IFI44L: variants seen among roughly 807,000 people sequenced by gnomAD.
IFI44L encodes interferon-induced protein 44-like.
IFI44L carries 40 observed loss-of-function variants against 39.3 expected under a neutral mutation model. The observed-to-expected ratio is 1.02, with a 90% CI of 0.79 to 1.33. IFI44L has a LOEUF of 1.33. Among genes scored for constraint, IFI44L ranks in the 40% most tolerant of loss-of-function variants. The pLI is 0.00. For synonymous variants in IFI44L, 198 were observed against 182.3 expected (o/e 1.09, Z -0.69); for missense variants, 623 against 549.0 (o/e 1.13, Z -1.35).
In IFI44L at chr1:78,629,710, A is replaced by G. The variant is rs761700063; in HGVS notation, c.528-10A>G. 28 of 1,601,992 alleles carry G rather than the reference A, an allele frequency of 1.7e-5. No homozygotes were observed. Among genetic ancestry groups the G allele is most frequent in the Non-Finnish European group, 2.2e-5 (26 of 1,173,376 alleles). ...TTCTGATGCTGTATTTAACCACTAT[A>G]TTTTAACAGGCACAGAAATAGGCTT... On this transcript the variant is annotated splice_polypyrimidine_tract_variant and intron_variant, in intron 3 of 8. Transcript: ENST00000370751.
rs185745103 is a variant in IFI44L, at chr1:78,629,997, A to G, written c.723+82A>G. 3.7e-3 allele frequency: 4,538 copies of G among 1,223,104 alleles called. 19 individuals carry two copies. Among genetic ancestry groups the G allele is most frequent in the Non-Finnish European group, 4.0e-3 (3,355 of 841,480 alleles). The allele number at this position is 1,223,104 out of a possible 1,614,324, so 75.8% of individuals were successfully genotyped here. ...GTCTTTGCCTTTTTCTCTTAGGGCA[A>G]TCCTAATATACAATTAAATGCTAAA... On this transcript the variant is annotated intron_variant, in intron 4 of 8. Transcript: ENST00000370751.
rs1367397714 is a variant in IFI44L at position 78,643,160 on chromosome 1, T to TTTTTTTTTTTTTTTTTTTTTTTTTTG, written c.*1351_*1352insTTTTTTTTTTTTTTTTTTTTTTTTTG. On this transcript the variant is annotated 3_prime_UTR_variant, in exon 9 of 9. Coordinates refer to ENST00000370751, the MANE Select transcript of IFI44L (RefSeq NM_006820.4). ...AGATATTAAGAAAGCAAGAGTTTCT[T>TTTTTTTTTTTTTTTTTTTTTTTTTTG]ATGTCCAGTTATGGAATATTTCCTA... 1 of 151,870 alleles carries TTTTTTTTTTTTTTTTTTTTTTTTTTG rather than the reference T, an allele frequency of 6.6e-6. No homozygotes were observed. Among genetic ancestry groups the TTTTTTTTTTTTTTTTTTTTTTTTTTG allele is most frequent in the Non-Finnish European group, 1.5e-5 (1 of 67,976 alleles). The allele number at this position is 151,870 out of a possible 1,614,324, so 9.4% of individuals were successfully genotyped here.
rs1235756123 is a variant in IFI44L at position 78,641,542 on chromosome 1, C to G, written c.1257C>G (p.Leu419=). The G allele has an allele frequency of 3.1e-6, 5 of 1,613,642 alleles. No homozygotes were observed. Among genetic ancestry groups the G allele is most frequent in the Non-Finnish European group, 4.2e-6 (5 of 1,179,742 alleles). Residue 419 remains leucine (L), a synonymous_variant, in exon 8 of 9, where the codon CTC becomes CTG. Coordinates refer to ENST00000370751, the MANE Select transcript of IFI44L (RefSeq NM_006820.4). ...ACCCCATGAAGGATATTCTCATCCT[C>G]TCTGCACTGAGGCAGATGCTGCGGG... ...ELDPMKDILI[L]SALRQMLRAA...
intron 4 of IFI44L, 135 bp downstream of exon 4, chr1:78,630,050 G>A: frequency 1.2e-6 from 1 of 829,806 alleles, no homozygotes; most frequent in Non-Finnish European, 2.0e-6. Context: ...GTAAAATTTT[G>A]ATCAGAACCA....
intron 1 of IFI44L, chr1:78,626,368 T>C (rs1475478678): frequency 6.6e-6 from 1 of 152,064 alleles, no homozygotes; most frequent in Non-Finnish European, 1.5e-5. Flanking sequence ...AACTCCAGTA[T>C]AAGTATGTGT....
In IFI44L at chr1:78,637,077, A is replaced by G; in HGVS notation, c.922A>G (p.Thr308Ala). 4 of 1,611,630 alleles carry G rather than the reference A, an allele frequency of 2.5e-6. No homozygotes were observed. Among genetic ancestry groups the G allele is most frequent in the Non-Finnish European group, 3.4e-6 (4 of 1,178,108 alleles). Residue 308 changes from threonine (T) to alanine (A), a missense_variant, in exon 6 of 9, where the codon ACC becomes GCC. By Grantham distance (58) the Thr-to-Ala change is moderately conservative (BLOSUM62 0). Transcript: ENST00000370751. The part of the protein sequence containing the change: ...PITPEHSTFI[T>A]SPSLKDRIHC... ...TACACCTGAGCATTCTACTTTTATC[A>G]CCTCTCCATCTCTGAAGGACAGGAT...
At chr1:78,635,967 CTTT>C (rs772798804) in intron 5 of IFI44L, 30 of 122,988 alleles carry the variant, frequency 2.4e-4, no homozygotes, top group South Asian at 7.7e-4. Flanking sequence ...CTCTCTCGGT[CTTT>C]TTTTTTTTTT....
At chr1:78,634,461 C>T (rs1470770150) in intron 4 of IFI44L, among the ~76,000 whole-genome samples, 5 of 152,130 alleles carry the variant, frequency 3.3e-5, no homozygotes, top group Non-Finnish European at 5.9e-5. Flanking sequence ...CAAACCCATC[C>T]AATTGAGAAT....
In IFI44L at chr1:78,641,468, A is replaced by C; in HGVS notation, c.1183A>C (p.Ile395Leu). 1 of 1,613,606 alleles carries C rather than the reference A, an allele frequency of 6.2e-7. No individual in the cohort carries two copies. Among genetic ancestry groups the C allele is most frequent in the Non-Finnish European group, 8.5e-7 (1 of 1,179,658 alleles). ...MNVHKMLGIP[I>L]SNILMVGNYA... ...TGTCCATAAAATGCTAGGCATTCCT[A>C]TTTCCAATATTTTGATGGTTGGAAA... is the stretch of plus-strand genomic sequence containing the variant. Residue 395 changes from isoleucine to leucine, a missense_variant, in exon 8 of 9, where the codon ATT becomes CTT. By Grantham distance (5) the Ile-to-Leu change is conservative. Coordinates refer to ENST00000370751, the MANE Select transcript of IFI44L (RefSeq NM_006820.4).
At chr1:78,631,777 A>G (rs1652758253) in intron 4 of IFI44L, 1 of 152,094 alleles carries the variant, frequency 6.6e-6, no homozygotes, top group African/African-American at 2.4e-5. Context: ...AACTATTTTT[A>G]GAATTATTCT....
At position 78,628,001 on chromosome 1, in the gene IFI44L, A is replaced by G; in HGVS notation, c.86A>G (p.Lys29Arg). 1.2e-6 allele frequency: 2 copies of G among 1,613,038 alleles called. No individual in the cohort carries two copies. Among genetic ancestry groups the G allele is most frequent in the Non-Finnish European group, 1.7e-6 (2 of 1,179,466 alleles). Residue 29 changes from lysine to arginine, a missense_variant, in exon 2 of 9, where the codon AAG becomes AGG. Physicochemically the swap from Lys to Arg is conservative, Grantham distance 26 (BLOSUM62 2). Transcript: ENST00000370751. ...AATGTTTCTTTGAGTCTTCTCTATA[A>G]GTCTAGTGTTCATGGAGGTAGCATT... ...LGNVSLSLLY[K>R]SSVHGGSIED...
At chr1:78,639,036 T>C (rs1285665169) in intron 6 of IFI44L, among the ~76,000 whole-genome samples, 1 of 152,094 alleles carries the variant, frequency 6.6e-6, no homozygotes, top group Non-Finnish European at 1.5e-5. Context: ...GGCACTTTCT[T>C]ACTGTGCCCC....
chr1:78,623,571 G>A (rs1000018323), intron 1 of IFI44L, among the ~76,000 whole-genome samples: 1 of 152,018 alleles, frequency 6.6e-6, no homozygotes, highest in Admixed American at 6.6e-5. Flanking sequence ...TTTGTTATGG[G>A]AGGTGGCTCA....
Position 78,629,821 on chromosome 1 carries a change from A to G in IFI44L, c.629A>G (p.Lys210Arg), listed in dbSNP as rs1250339325. The G allele has an allele frequency of 6.2e-7, 1 of 1,613,832 alleles. No individual in the cohort carries two copies. The highest frequency in any genetic ancestry group is 1.1e-5 in the South Asian group (1 of 91,078). The change falls in exon 4 of 9, where the codon AAG becomes AGG. Residue 210 changes from lysine (K) to arginine (R), a missense_variant. Lys to Arg is a conservative substitution (Grantham distance 26). Transcript: ENST00000370751. ...ILLVGPVGSGKSSFFNSVKSI... is the reference protein window; with the variant it reads ...ILLVGPVGSGRSSFFNSVKSI... Reference sequence around the variant, plus strand: ...TTGGTGGGTCCAGTTGGGTCTGGAAAGTCCAGTTTTTTCAATTCAGTCAAG... The same window carrying G: ...TTGGTGGGTCCAGTTGGGTCTGGAAGGTCCAGTTTTTTCAATTCAGTCAAG...
rs1222507453 is a variant in IFI44L, at chr1:78,623,389, G to GTTT, written c.-11+2822_-11+2824dup. 2.0e-3 allele frequency among the ~76,000 whole-genome samples: 39 copies of GTTT among 19,930 alleles called. 2 individuals are homozygous for GTTT. The highest frequency in any genetic ancestry group is 3.6e-3 in the African/African-American group (27 of 7,532). 13.1% of individuals were successfully genotyped at this position (19,930 alleles called of 152,430 possible). A position where few individuals can be genotyped will look rare whatever the true frequency, so the allele number is the denominator to read the frequency against. On this transcript the variant is annotated intron_variant, in intron 1 of 8. Transcript: ENST00000370751. ...ATTTCCTTCTACTCCTGGTTTAAGT[G>GTTT]TTTTTTGTTTTTTTTTTTTTTTTTT...
At chr1:78,635,981 T>C (rs983568356) in intron 5 of IFI44L, 49 of 166,780 alleles carry the variant, frequency 2.9e-4, no homozygotes, top group Non-Finnish European at 5.8e-4. Context: ...TTTTTTTTTT[T>C]TTCAGGTGTG....
At chr1:78,629,567 A>G (rs999802695) in intron 3 of IFI44L, 153 bp from the exon 4 acceptor site, 16 of 507,250 alleles carry the variant, frequency 3.2e-5, no homozygotes, top group African/African-American at 2.9e-4. Flanking sequence ...TTCAAATCAT[A>G]TTATAGAAGA....
rs899004781 is a variant in IFI44L, at chr1:78,642,945, T to C, written c.*1136T>C. On this transcript the variant is annotated 3_prime_UTR_variant, in exon 9 of 9. Transcript: ENST00000370751. Reference sequence around the variant, plus strand: ...TCCTCTTACTAGCTGTGAAAGCTAGTACTATTAAGAAAGAAAACAAAATTC... The same window carrying C: ...TCCTCTTACTAGCTGTGAAAGCTAGCACTATTAAGAAAGAAAACAAAATTC... 1 of 152,092 alleles carries C rather than the reference T, an allele frequency of 6.6e-6. No homozygotes were observed. The highest frequency in any genetic ancestry group is 1.9e-4 in the East Asian group (1 of 5,176). 9.4% of individuals were successfully genotyped at this position (152,092 alleles called of 1,614,324 possible). A position where few individuals can be genotyped will look rare whatever the true frequency, so the allele number is the denominator to read the frequency against.
At chr1:78,631,353 G>A (rs1245100074) in intron 4 of IFI44L, 2 of 152,064 alleles carry the variant, frequency 1.3e-5, no homozygotes, top group Non-Finnish European at 2.9e-5. Context: ...TGAGGCACTG[G>A]TAAGTCCTAT....
Sources: allele counts gnomAD v4.1 joint callset (sites outside exome capture counted in the v4.1 genomes callset), GRCh38; gene constraint gnomAD v4.1.1; transcripts MANE v1.5; gene names NCBI Gene and HGNC (gene_info 2026-07-23, HGNC 2026-07-21).